Variants in TSPAN12 observed in about 807,000 individuals in gnomAD.
The protein encoded by TSPAN12 is tetraspanin-12.
In TSPAN12, 19 loss-of-function variants were observed where a neutral mutation model predicts 39.2. That is an observed-to-expected ratio of 0.49 (90% CI 0.34 to 0.71). TSPAN12 has a LOEUF of 0.71. Among genes scored for constraint, TSPAN12 ranks in the 30% least tolerant of loss-of-function variants. TSPAN12 has a pLI of 0.01. For synonymous variants in TSPAN12, 119 were observed against 124.8 expected (o/e 0.95, Z 0.31); for missense variants, 314 against 359.9 (o/e 0.87, Z 1.03).
intron 7 of TSPAN12, among the ~76,000 whole-genome samples, chr7:120,796,813 C>T (rs1042549973): frequency 6.6e-6 from 1 of 152,060 alleles, no homozygotes; most frequent in African/African-American, 2.4e-5. Flanking sequence ...CCCACTCACC[C>T]ACCCAGTCTG....
At chr7:120,801,593 A>G (rs981810090) in intron 7 of TSPAN12, among the ~76,000 whole-genome samples, 2 of 152,200 alleles carry the variant, frequency 1.3e-5, no homozygotes, top group Non-Finnish European at 2.9e-5. Context: ...TAACTACTAG[A>G]CAAAGAAATG....
rs1208741388 is a variant in TSPAN12 at position 120,856,693 on chromosome 7, C to T, written c.66+5G>A. 1.2e-6 allele frequency: 2 copies of T among 1,614,108 alleles called. No homozygotes were observed. The highest frequency in any genetic ancestry group is 1.7e-6 in the Non-Finnish European group (2 of 1,180,028). On this transcript the variant is annotated splice_donor_5th_base_variant and intron_variant, in intron 2 of 7. Coordinates refer to ENST00000222747, the MANE Select transcript of TSPAN12 (RefSeq NM_012338.4). ...CCACCTGTTGGTGCAGTGAAACTTA[C>T]TTACCCAAAAGAGCAGATTGAGGGC...
chr7:120,843,240 T>C (rs555591246), intron 2 of TSPAN12, among the ~76,000 whole-genome samples: 1 of 152,336 alleles, frequency 6.6e-6, no homozygotes, highest in East Asian at 1.9e-4. Flanking sequence ...GAATTAGCCA[T>C]GTTTCTAGCT....
chr7:120,820,248 G>T (rs1211601903), intron 4 of TSPAN12, among the ~76,000 whole-genome samples: 1 of 152,110 alleles, frequency 6.6e-6, no homozygotes, highest in East Asian at 1.9e-4. Context: ...GAAACATATT[G>T]TGTGACCTTT....
rs897038295 is a variant in TSPAN12, at chr7:120,796,601, A to C, written c.613-7704T>G. 4.6e-5 allele frequency among the ~76,000 whole-genome samples: 7 copies of C among 152,308 alleles called. No individual in the cohort carries two copies. In the South Asian group the frequency reaches 1.5e-3, roughly 32 times the overall value. On this transcript the variant is annotated intron_variant, in intron 7 of 7. Transcript: ENST00000222747. ...ATAAGGGAATTGGGATGTAGAAGAA[A>C]AAAATCTCTACACTCAGCTTGCTCT...
rs79819175 is a variant in TSPAN12, at chr7:120,847,131, C to T, written c.67-7022G>A. Among the ~76,000 whole-genome samples, 27 of 151,480 alleles carry T rather than the reference C, an allele frequency of 1.8e-4. No individual in the cohort carries two copies. In the East Asian group the frequency reaches 5.1e-3, roughly 28 times the overall value. ...CAGCTAGGAATTCCAGCTCTACTGC[C>T]TTTTAGCTATATGACATTCAGCTTG... is the stretch of plus-strand genomic sequence containing the variant. On this transcript the variant is annotated intron_variant, in intron 2 of 7. Transcript: ENST00000222747.
At position 120,852,848 on chromosome 7, in the gene TSPAN12, T is replaced by TA. The variant is rs1485637125; in HGVS notation, c.66+3849dup. On this transcript the variant is annotated intron_variant, in intron 2 of 7. Transcript: ENST00000222747. ...ACTACTGAGTACCAGTTTCTTTATC[T>TA]AAAAAAAAGAGAGAGAGAGAGAGAG... Among the ~76,000 whole-genome samples the TA allele has an allele frequency of 7.2e-5, 11 of 151,880 alleles. No individual in the cohort carries two copies. The South Asian group carries it at 1.0e-3, about 14-fold the overall frequency.
At chr7:120,830,059 A>T (rs1302271170) in intron 4 of TSPAN12, among the ~76,000 whole-genome samples, 1 of 152,168 alleles carries the variant, frequency 6.6e-6, no homozygotes, top group East Asian at 1.9e-4. Context: ...GGGCATCAGA[A>T]GCCATAAAAT....
chr7:120,788,679 T>A lies in TSPAN12; in HGVS notation c.831A>T (p.Glu277Asp), dbSNP rs1174412650. ...NSQHLSCPSVELLKPSLSRIF... is the reference protein window; with the variant it reads ...NSQHLSCPSVDLLKPSLSRIF... ...TTCTTGACAGGCTTGGTTTCAACAG[T>A]TCTACTGAGGGACATGACAGGTGCT... Residue 277 changes from glutamate to aspartate, a missense_variant, in exon 8 of 8, where the codon GAA becomes GAT. Glu to Asp is a conservative substitution (Grantham distance 45, BLOSUM62 2). Coordinates refer to ENST00000222747, the MANE Select transcript of TSPAN12 (RefSeq NM_012338.4). The A allele has an allele frequency of 1.2e-6, 2 of 1,614,132 alleles. No homozygotes were observed. Among genetic ancestry groups the A allele is most frequent in the South Asian group, 2.2e-5 (2 of 91,088 alleles).
chr7:120,798,128 T>C (rs367845592), intron 7 of TSPAN12, among the ~76,000 whole-genome samples: 4 of 152,228 alleles, frequency 2.6e-5, no homozygotes, highest in Non-Finnish European at 4.4e-5. Flanking sequence ...AAACTCACAA[T>C]TGAATGATGT....
At position 120,787,332 on chromosome 7, in the gene TSPAN12, A is replaced by G. The variant is rs1793428220; in HGVS notation, c.*1260T>C. On this transcript the variant is annotated 3_prime_UTR_variant, in exon 8 of 8. Transcript: ENST00000222747. ...CAGAGACAAATCATTACTCTCTAGA[A>G]AATATTTATTGACACATTTTAATTT... 6.6e-6 allele frequency: 1 copy of G among 152,600 alleles called. No individual in the cohort carries two copies. Among genetic ancestry groups the G allele is most frequent in the African/African-American group, 2.4e-5 (1 of 41,458 alleles). 9.5% of individuals were successfully genotyped at this position (152,600 alleles called of 1,614,324 possible).
intron 2 of TSPAN12, among the ~76,000 whole-genome samples, chr7:120,840,662 T>A (rs934082598): frequency 4.6e-5 from 7 of 152,224 alleles, no homozygotes; most frequent in African/African-American, 1.7e-4. Flanking sequence ...AAACTCATAA[T>A]GAACAAAATT....
At chr7:120,820,733 A>G (rs1305769446) in intron 4 of TSPAN12, among the ~76,000 whole-genome samples, 1 of 152,124 alleles carries the variant, frequency 6.6e-6, no homozygotes, top group African/African-American at 2.4e-5. Context: ...CCCAAGCAGC[A>G]CCTGTCACAC....
intron 4 of TSPAN12, among the ~76,000 whole-genome samples, chr7:120,822,659 T>A (rs912297394): frequency 4.6e-5 from 7 of 151,934 alleles, no homozygotes; most frequent in South Asian, 2.1e-4. Context: ...GAGGTGGGGA[T>A]AAAGAGAGAA....
At chr7:120,794,544 A>G (rs1336985632) in intron 7 of TSPAN12, among the ~76,000 whole-genome samples, 1 of 152,044 alleles carries the variant, frequency 6.6e-6, no homozygotes, top group Non-Finnish European at 1.5e-5. Context: ...GCTTTTTGCC[A>G]TGTGTCAAAG....
intron 4 of TSPAN12, among the ~76,000 whole-genome samples, chr7:120,831,750 G>T (rs1198010943): frequency 6.6e-6 from 1 of 151,926 alleles, no homozygotes; most frequent in Non-Finnish European, 1.5e-5. Context: ...ACTATAGAGT[G>T]ATGTATAAGT....
chr7:120,833,376 T>C (rs1794422035), intron 4 of TSPAN12, among the ~76,000 whole-genome samples: 1 of 151,868 alleles, frequency 6.6e-6, no homozygotes, highest in Non-Finnish European at 1.5e-5. Flanking sequence ...TATATTCTGA[T>C]TTGCATTATG....
chr7:120,794,529 G>T (rs1461790397), intron 7 of TSPAN12, among the ~76,000 whole-genome samples: 1 of 152,146 alleles, frequency 6.6e-6, no homozygotes, highest in Non-Finnish European at 1.5e-5. Context: ...GCCTGCTGCC[G>T]CTTTGCTTTT....
chr7:120,844,621 C>T (rs1370047787), intron 2 of TSPAN12, among the ~76,000 whole-genome samples: 1 of 152,236 alleles, frequency 6.6e-6, no homozygotes, highest in East Asian at 1.9e-4. Context: ...AAAATAATCT[C>T]CTTTAACGCC....
Sources: gnomAD v4.1 joint callset for allele counts (sites outside exome capture counted in the v4.1 genomes callset) on GRCh38, gnomAD v4.1.1 for gene constraint, MANE v1.5 for transcripts, NCBI Gene and HGNC (gene_info 2026-07-23, HGNC 2026-07-21) for gene names.